The following FBXO28 variants were observed in gnomAD, a reference collection of about 807,000 sequenced individuals.
The protein encoded by FBXO28 is F-box only protein 28.
In FBXO28, 8 loss-of-function variants were observed where a neutral mutation model predicts 38.1. That is an observed-to-expected ratio of 0.21 (90% confidence interval 0.12 to 0.38). The LOEUF is 0.38. Among genes scored for constraint, FBXO28 ranks in the 10% least tolerant of loss-of-function variants. FBXO28 has a pLI of 1.00. For synonymous variants in FBXO28, 168 were observed against 173.8 expected, an observed-to-expected ratio of 0.97 and a Z score of 0.26; for missense variants, 345 against 460.6, an observed-to-expected ratio of 0.75 and a Z score of 2.30.
chr1:224,117,882 G>A (rs1049227234), intron 1 of FBXO28, among the ~76,000 whole-genome samples: 121 of 152,236 alleles, frequency 7.9e-4, no homozygotes, highest in African/African-American at 2.7e-3. Flanking sequence ...GGTGGCACAC[G>A]CCTGTAATCC....
At chr1:224,130,321 G>A (rs1263627559) in intron 1 of FBXO28, 151 bp from the exon 2 acceptor site, 29 of 535,556 alleles carry the variant, frequency 5.4e-5, no homozygotes, top group South Asian at 3.0e-4. Context: ...CAGCCTGGGC[G>A]ACAGAGTGAG....
At chr1:224,129,041 A>C (rs1481143348) in intron 1 of FBXO28, among the ~76,000 whole-genome samples, 1 of 151,940 alleles carries the variant, frequency 6.6e-6, no homozygotes, top group African/African-American at 2.4e-5. Context: ...GTTCTACTAC[A>C]CATGCTAAGA....
intron 3 of FBXO28, among the ~76,000 whole-genome samples, chr1:224,141,427 C>T (rs12739782): frequency 0.15 from 21,639 of 144,224 alleles, 1,643 homozygotes; most frequent in Middle Eastern, 0.27. Flanking sequence ...GCCAAGATTG[C>T]ACCACTGCAC....
chr1:224,147,296 G>A (rs58980875), intron 3 of FBXO28, among the ~76,000 whole-genome samples: 4 of 151,504 alleles, frequency 2.6e-5, no homozygotes, highest in African/African-American at 9.7e-5. Flanking sequence ...GGTGGCAAGC[G>A]CCTGTAGTCC....
chr1:224,132,844 A>C (rs1438314686), intron 2 of FBXO28, among the ~76,000 whole-genome samples: 1 of 152,058 alleles, frequency 6.6e-6, no homozygotes, highest in African/African-American at 2.4e-5. Flanking sequence ...GTTCTCAAAA[A>C]GTTAAACAGA....
rs1370573453 is a variant in FBXO28 at position 224,160,943 on chromosome 1, TAAAAC to T, written c.*3198_*3202del. ...CTGGATTTTTGAGAGAAAATGGACA[TAAAAC>T]TAGGCTATGTGTAATAAAAATAATG... On this transcript the variant is annotated 3_prime_UTR_variant, in exon 5 of 5. Transcript: ENST00000366862. The T allele has an allele frequency of 6.6e-6, 1 of 152,198 alleles. No individual in the cohort carries two copies. The highest frequency in any genetic ancestry group is 2.4e-5 in the African/African-American group (1 of 41,460). The allele number at this position is 152,198 out of a possible 1,614,324, so 9.4% of individuals were successfully genotyped here. A position where few individuals can be genotyped will look rare whatever the true frequency, so the allele number is the denominator to read the frequency against.
intron 3 of FBXO28, among the ~76,000 whole-genome samples, chr1:224,140,831 A>G (rs934557488): frequency 6.6e-6 from 1 of 152,050 alleles, no homozygotes; most frequent in Middle Eastern, 3.2e-3. Flanking sequence ...CTGTAATTCC[A>G]GCTACTCAGA....
At chr1:224,155,721 A>C (rs915674933) in intron 4 of FBXO28, among the ~76,000 whole-genome samples, 6 of 152,186 alleles carry the variant, frequency 3.9e-5, no homozygotes, top group Admixed American at 6.5e-5. Context: ...TCTGTAATTG[A>C]GTAATAAAGC....
At chr1:224,129,765 G>A (rs962935300) in intron 1 of FBXO28, among the ~76,000 whole-genome samples, 10 of 152,086 alleles carry the variant, frequency 6.6e-5, no homozygotes, top group African/African-American at 2.2e-4. Flanking sequence ...CGAGGCAGGC[G>A]GATCACAAGG....
At chr1:224,145,983 T>C (rs1356068924) in intron 3 of FBXO28, among the ~76,000 whole-genome samples, 3 of 151,968 alleles carry the variant, frequency 2.0e-5, no homozygotes, top group Non-Finnish European at 2.9e-5. Context: ...GGAGAACTGC[T>C]TGTATCCGGG....
chr1:224,145,175 G>C (rs931235661), intron 3 of FBXO28, among the ~76,000 whole-genome samples: 1 of 150,456 alleles, frequency 6.6e-6, no homozygotes, highest in African/African-American at 2.4e-5. Flanking sequence ...GGCATCTGTA[G>C]TTCCAGCTAC....
chr1:224,135,611 CAAAAAAAAA>C (rs71168313), intron 3 of FBXO28, among the ~76,000 whole-genome samples: 13 of 110,788 alleles, frequency 1.2e-4, no homozygotes, highest in Admixed American at 7.2e-4. Flanking sequence ...GACTCTGTCT[CAAAAAAAAA>C]AAAAAAAAAA....
rs1410377046 is a variant in FBXO28, at chr1:224,161,321, T to C, written c.*3575T>C. 6.6e-6 allele frequency: 1 copy of C among 152,232 alleles called. No homozygotes were observed. The highest frequency in any genetic ancestry group is 6.5e-5 in the Admixed American group (1 of 15,272). The allele number at this position is 152,232 out of a possible 1,614,324, so 9.4% of individuals were successfully genotyped here. A position where few individuals can be genotyped will look rare whatever the true frequency, so the allele number is the denominator to read the frequency against. The stretch of plus-strand genomic sequence containing the variant: ...TGCTCTAGCAATGAGTACCCATTTG[T>C]TACACTTACCAAACTCTCTAAAAAC... On this transcript the variant is annotated 3_prime_UTR_variant, in exon 5 of 5. Transcript: ENST00000366862.
chr1:224,135,630 A>AAAAAAG lies in FBXO28; in HGVS notation c.516+1436_516+1441dup, dbSNP rs1553290017. The stretch of plus-strand genomic sequence containing the variant: ...CTGTCTCAAAAAAAAAAAAAAAAAA[A>AAAAAAG]AAAAAGAAAAAGAAAAAGAAAAATT... On this transcript the variant is annotated intron_variant, in intron 3 of 4. Transcript: ENST00000366862. Among the ~76,000 whole-genome samples the AAAAAAG allele has an allele frequency of 4.1e-3, 473 of 115,766 alleles. 3 individuals are homozygous for AAAAAAG. The highest frequency in any genetic ancestry group is 5.7e-3 in the African/African-American group (173 of 30,404). 75.9% of individuals were successfully genotyped at this position (115,766 alleles called of 152,430 possible). A position where few individuals can be genotyped will look rare whatever the true frequency, so the allele number is the denominator to read the frequency against.
At chr1:224,118,231 G>T (rs1299685579) in intron 1 of FBXO28, among the ~76,000 whole-genome samples, 1 of 151,496 alleles carries the variant, frequency 6.6e-6, no homozygotes, top group South Asian at 2.1e-4. Flanking sequence ...GATTACAGAC[G>T]TGAGCCACTG....
chr1:224,120,439 A>G (rs968357520), intron 1 of FBXO28, among the ~76,000 whole-genome samples: 3 of 152,214 alleles, frequency 2.0e-5, no homozygotes, highest in Non-Finnish European at 4.4e-5. Context: ...CTACATTGGA[A>G]TTATCTTTGG....
chr1:224,144,556 G>A (rs560740518), intron 3 of FBXO28, among the ~76,000 whole-genome samples: 28 of 151,444 alleles, frequency 1.8e-4, no homozygotes, highest in Admixed American at 1.5e-3. Flanking sequence ...TCAAGAGATC[G>A]GGACCATCCT....
chr1:224,130,689 A>G (rs1657018198), intron 2 of FBXO28, 108 bp downstream of exon 2: 2 of 646,352 alleles, frequency 3.1e-6, no homozygotes, highest in Non-Finnish European at 5.4e-6. Context: ...TTTTTATAGC[A>G]AAGGGCACAA....
intron 1 of FBXO28, among the ~76,000 whole-genome samples, chr1:224,125,144 T>A (rs1656875385): frequency 6.6e-6 from 1 of 151,724 alleles, no homozygotes. Flanking sequence ...GAGGAGGTCT[T>A]GCTATGTTGC....
Sources: allele counts gnomAD v4.1 joint callset (sites outside exome capture counted in the v4.1 genomes callset), GRCh38; gene constraint gnomAD v4.1.1; transcripts MANE v1.5; gene names NCBI Gene and HGNC (gene_info 2026-07-23, HGNC 2026-07-21).